SHISA6: variants seen among roughly 807,000 people sequenced by gnomAD.
The protein encoded by SHISA6 is shisa family member 6, also known as protein shisa-6.
A neutral mutation model predicts 47.9 loss-of-function variants in SHISA6; 22 were observed. The ratio of observed to expected loss-of-function variants is 0.46; its 90% confidence interval spans 0.33 to 0.66. The LOEUF is 0.66. Ranked by LOEUF, SHISA6 falls within the 30% of genes least tolerant of loss-of-function variation. The probability of loss-of-function intolerance (pLI) is 0.02; values close to 1 mark genes in which losing one functional copy is unlikely to be tolerated. For synonymous variants in SHISA6, 388 were observed against 337.8 expected (o/e 1.15, Z -1.63); for missense variants, 680 against 764.6 (o/e 0.89, Z 1.30).
intron 3 of SHISA6, among the ~76,000 whole-genome samples, chr17:11,418,022 G>A (rs530199829): frequency 1.3e-5 from 2 of 152,318 alleles, no homozygotes; most frequent in South Asian, 4.1e-4. Context: ...CTTGTGAGCA[G>A]AGGTACATGT....
At chr17:11,299,631 G>C (rs1909854824) in intron 2 of SHISA6, among the ~76,000 whole-genome samples, 1 of 152,128 alleles carries the variant, frequency 6.6e-6, no homozygotes, top group South Asian at 2.1e-4. Flanking sequence ...AGCTTCTAGA[G>C]GCCATATGCA....
chr17:11,423,925 G>T (rs1382799761), intron 3 of SHISA6, among the ~76,000 whole-genome samples: 2 of 152,110 alleles, frequency 1.3e-5, no homozygotes, highest in Non-Finnish European at 2.9e-5. Context: ...AAGCCCAAAG[G>T]ATAGATTAAG....
chr17:11,251,064 A>G (rs537450631), intron 1 of SHISA6, among the ~76,000 whole-genome samples: 168 of 152,294 alleles, frequency 1.1e-3, no homozygotes, highest in African/African-American at 3.8e-3. Flanking sequence ...AACTTGCCCA[A>G]GGTCACACAG....
intron 3 of SHISA6, among the ~76,000 whole-genome samples, chr17:11,403,435 C>A (rs972843579): frequency 6.6e-6 from 1 of 152,192 alleles, no homozygotes; most frequent in African/African-American, 2.4e-5. Context: ...CAGGGACCCA[C>A]CCTGGAAGTT....
In SHISA6 at chr17:11,356,221, G is replaced by A. The variant is rs142202955; in HGVS notation, c.800-23193G>A. 2.8e-3 allele frequency among the ~76,000 whole-genome samples: 422 copies of A among 152,306 alleles called. 2 individuals are homozygous for A. Among genetic ancestry groups the A allele is most frequent in the African/African-American group, 9.8e-3 (407 of 41,574 alleles). On this transcript the variant is annotated intron_variant, in intron 2 of 5. Coordinates refer to ENST00000441885, the MANE Select transcript of SHISA6 (RefSeq NM_207386.4). ...CCTGTTGATGCAAACTCCACTGTCA[G>A]TGTGCTTAGAGAACCAAGCACCAGT...
chr17:11,480,387 C>T (rs1054138901), intron 3 of SHISA6, among the ~76,000 whole-genome samples: 2 of 139,296 alleles, frequency 1.4e-5, no homozygotes, highest in Admixed American at 7.4e-5. Context: ...AATAAATACT[C>T]ATTGAGTGAA....
intron 3 of SHISA6, among the ~76,000 whole-genome samples, chr17:11,439,689 A>G (rs1433699741): frequency 1.3e-5 from 2 of 152,208 alleles, no homozygotes; most frequent in African/African-American, 2.4e-5. Context: ...CCCTGCATTT[A>G]GTAGAACTTG....
intron 3 of SHISA6, among the ~76,000 whole-genome samples, chr17:11,498,751 A>T (rs1277874642): frequency 6.6e-6 from 1 of 152,194 alleles, no homozygotes; most frequent in African/African-American, 2.4e-5. Flanking sequence ...GGAGCCAGAA[A>T]GACCTGGGCT....
chr17:11,484,774 A>C (rs1417084250), intron 3 of SHISA6, among the ~76,000 whole-genome samples: 1 of 152,192 alleles, frequency 6.6e-6, no homozygotes, highest in Admixed American at 6.5e-5. Flanking sequence ...TATTATCAAA[A>C]TCAACATTAT....
intron 3 of SHISA6, among the ~76,000 whole-genome samples, chr17:11,451,066 A>G (rs1193806531): frequency 6.6e-6 from 1 of 151,750 alleles, no homozygotes; most frequent in Admixed American, 6.6e-5. Flanking sequence ...ACAAGAGGAA[A>G]GAGGTCAGAC....
At chr17:11,525,532 C>G (rs996976761) in intron 3 of SHISA6, among the ~76,000 whole-genome samples, 1 of 145,618 alleles carries the variant, frequency 6.9e-6, no homozygotes, top group Admixed American at 7.2e-5. Context: ...ACTCCAGAGG[C>G]GGAGGCAGGA....
At chr17:11,416,462 C>G (rs1461536066) in intron 3 of SHISA6, among the ~76,000 whole-genome samples, 1 of 151,958 alleles carries the variant, frequency 6.6e-6, no homozygotes, top group Admixed American at 6.6e-5. Flanking sequence ...AGTTGTTGGT[C>G]GAAATTCACA....
rs116385103 is a variant in SHISA6, at chr17:11,378,476, G to A, written c.800-938G>A. On this transcript the variant is annotated intron_variant, in intron 2 of 5. Coordinates refer to ENST00000441885, the MANE Select transcript of SHISA6 (RefSeq NM_207386.4). ...TGTGCATTGTTATAGTTATACATAC[G>A]ATTTTTAATACACTCTTTTGGTAAC... Among the ~76,000 whole-genome samples, 577 of 152,222 alleles carry A rather than the reference G, an allele frequency of 3.8e-3. 2 individuals are homozygous for A. The highest frequency in any genetic ancestry group is 0.013 in the African/African-American group (545 of 41,546).
intron 2 of SHISA6, among the ~76,000 whole-genome samples, chr17:11,268,098 T>A (rs1448767328): frequency 1.3e-5 from 2 of 152,082 alleles, no homozygotes; most frequent in African/African-American, 4.8e-5. Flanking sequence ...AGCAATGAGA[T>A]CATGTGCTGA....
chr17:11,271,136 G>C (rs79575614), intron 2 of SHISA6, among the ~76,000 whole-genome samples: 1 of 151,982 alleles, frequency 6.6e-6, no homozygotes, highest in Non-Finnish European at 1.5e-5. Context: ...CTCATCCTAT[G>C]TGAGGGGTGA....
intron 3 of SHISA6, among the ~76,000 whole-genome samples, chr17:11,489,038 T>C (rs1916415065): frequency 6.6e-6 from 1 of 152,212 alleles, no homozygotes; most frequent in African/African-American, 2.4e-5. Flanking sequence ...AGCCTCCTTG[T>C]CTAGATTCTC....
In SHISA6 at chr17:11,367,468, C is replaced by T. The variant is rs577363241; in HGVS notation, c.800-11946C>T. Among the ~76,000 whole-genome samples the T allele has an allele frequency of 3.3e-5, 5 of 152,278 alleles. No individual in the cohort carries two copies. In the East Asian group the frequency reaches 9.6e-4, roughly 29 times the overall value. ...CAGGGAACACTGGAGGTTTCAGGAACAGCAGAAACTATAAAAAACATTTGG... is the reference window on the plus strand; with the variant it reads ...CAGGGAACACTGGAGGTTTCAGGAATAGCAGAAACTATAAAAAACATTTGG... On this transcript the variant is annotated intron_variant, in intron 2 of 5. Transcript: ENST00000441885.
Position 11,297,184 on chromosome 17 carries a change from C to T in SHISA6, c.799+33658C>T, listed in dbSNP as rs546317436. On this transcript the variant is annotated intron_variant, in intron 2 of 5. Transcript: ENST00000441885. ...GAAGACACCAGATCATGCGTGTTTG[C>T]CATAGAGCTCCATCTAGTGGAGAGT... is the stretch of plus-strand genomic sequence containing the variant. 7.2e-5 allele frequency among the ~76,000 whole-genome samples: 11 copies of T among 152,074 alleles called. 1 individual carries two copies. In the South Asian group the frequency reaches 1.5e-3, roughly 20 times the overall value.
chr17:11,461,025 T>C (rs1915676435), intron 3 of SHISA6, among the ~76,000 whole-genome samples: 1 of 152,234 alleles, frequency 6.6e-6, no homozygotes, highest in African/African-American at 2.4e-5. Flanking sequence ...TCTGTCTTCC[T>C]GAGGAATTAC....
Sources: allele counts gnomAD v4.1 joint callset (sites outside exome capture counted in the v4.1 genomes callset), GRCh38; gene constraint gnomAD v4.1.1; transcripts MANE v1.5; gene names NCBI Gene and HGNC (gene_info 2026-07-23, HGNC 2026-07-21).